The following RBFOX1 variants were observed in gnomAD, a reference collection of about 807,000 sequenced individuals.
RBFOX1 encodes RNA binding protein fox-1 homolog 1.
A neutral mutation model predicts 57.7 loss-of-function variants in RBFOX1; 8 were observed. That is an observed-to-expected ratio of 0.14 (90% CI 0.08 to 0.25). The LOEUF is 0.25. Ranked by LOEUF, RBFOX1 falls within the 10% of genes least tolerant of loss-of-function variation. The pLI, the probability that RBFOX1 is intolerant of heterozygous loss-of-function variation, is 1.00. For synonymous variants in RBFOX1, 326 were observed against 222.4 expected (o/e 1.47, Z -4.15); for missense variants, 611 against 548.5 (o/e 1.11, Z -1.14).
At chr16:6,651,371 TCTGACTA>T (rs71145268) in intron 2 of RBFOX1, among the ~76,000 whole-genome samples, 32,285 of 152,036 alleles carry the variant, frequency 0.21, 3,488 homozygotes, top group African/African-American at 0.24. Flanking sequence ...TTATCTGGCC[TCTGACTA>T]CTTCTCTCCC....
At chr16:7,062,031 A>G (rs1167395357) in intron 4 of RBFOX1, among the ~76,000 whole-genome samples, 1 of 152,024 alleles carries the variant, frequency 6.6e-6, no homozygotes, top group Non-Finnish European at 1.5e-5. Flanking sequence ...GAAAAATGGC[A>G]ACGAGGCCGG....
chr16:7,553,745 A>G (rs928535613), intron 5 of RBFOX1, among the ~76,000 whole-genome samples: 6 of 152,348 alleles, frequency 3.9e-5, no homozygotes, highest in Admixed American at 3.9e-4. Flanking sequence ...GACTCAGTCC[A>G]TATGTTAGGG....
At chr16:7,298,886 C>T (rs981551342) in intron 4 of RBFOX1, among the ~76,000 whole-genome samples, 2 of 152,144 alleles carry the variant, frequency 1.3e-5, no homozygotes, top group Non-Finnish European at 2.9e-5. Flanking sequence ...GTCTTGCTAT[C>T]TCTGGGTCTC....
chr16:7,094,997 G>T (rs148515951), intron 4 of RBFOX1, among the ~76,000 whole-genome samples: 1 of 151,932 alleles, frequency 6.6e-6, no homozygotes, highest in Non-Finnish European at 1.5e-5. Flanking sequence ...CATCAATTGT[G>T]GAATAACCTT....
chr16:7,062,924 T>TTTTTA (rs2054912539), intron 4 of RBFOX1, among the ~76,000 whole-genome samples: 1 of 121,058 alleles, frequency 8.3e-6, no homozygotes, highest in African/African-American at 3.1e-5. Context: ...TTTTTTTTTT[T>TTTTTA]TTTTGCTGAA....
intron 4 of RBFOX1, among the ~76,000 whole-genome samples, chr16:7,243,544 A>T (rs1208968912): frequency 6.6e-6 from 1 of 152,132 alleles, no homozygotes; most frequent in Admixed American, 6.6e-5. Flanking sequence ...ACTCTTTATT[A>T]GTAGTAGTAT....
chr16:7,652,569 G>C (rs923450137), intron 11 of RBFOX1, among the ~76,000 whole-genome samples: 1 of 152,104 alleles, frequency 6.6e-6, no homozygotes, highest in African/African-American at 2.4e-5. Context: ...CACCACGCCT[G>C]ACCAATTTTT....
At chr16:6,676,312 G>A (rs1236984217) in intron 3 of RBFOX1, among the ~76,000 whole-genome samples, 4 of 152,030 alleles carry the variant, frequency 2.6e-5, no homozygotes, top group Admixed American at 6.6e-5. Flanking sequence ...AGGGAATAGA[G>A]TACTATCCTG....
At chr16:5,754,354 TAGGA>T (rs2053323457) in intron 3 of RBFOX1, among the ~76,000 whole-genome samples, 1 of 152,154 alleles carries the variant, frequency 6.6e-6, no homozygotes, top group Non-Finnish European at 1.5e-5. Context: ...CTCCTATTGT[TAGGA>T]AGGAAGGGAG....
chr16:5,547,546 A>G (rs1955667132), intron 2 of RBFOX1, among the ~76,000 whole-genome samples: 1 of 152,202 alleles, frequency 6.6e-6, no homozygotes, highest in African/African-American at 2.4e-5. Context: ...TATGAATTCT[A>G]AAAAATGCAA....
At chr16:7,602,902 T>A (rs1396394229) in intron 9 of RBFOX1, among the ~76,000 whole-genome samples, 1 of 152,150 alleles carries the variant, frequency 6.6e-6, no homozygotes, top group Non-Finnish European at 1.5e-5. Flanking sequence ...TAGACCATAA[T>A]AGAATAAAAC....
At chr16:6,977,013 T>TATATATC (rs1179388502) in intron 3 of RBFOX1, among the ~76,000 whole-genome samples, 1 of 144,100 alleles carries the variant, frequency 6.9e-6, no homozygotes, top group African/African-American at 2.5e-5. Flanking sequence ...TTGTATATCA[T>TATATATC]ATGTATCATG....
At chr16:6,883,037 T>C (rs1324011475) in intron 3 of RBFOX1, among the ~76,000 whole-genome samples, 1 of 152,222 alleles carries the variant, frequency 6.6e-6, no homozygotes, top group Non-Finnish European at 1.5e-5. Context: ...ATAACCCATA[T>C]GTCTCCTGAC....
chr16:6,991,635 C>T (rs1045497405), intron 3 of RBFOX1, among the ~76,000 whole-genome samples: 1 of 152,126 alleles, frequency 6.6e-6, no homozygotes, highest in Admixed American at 6.5e-5. Context: ...CTCCCAGGCT[C>T]AAGCCATCCT....
At chr16:5,771,136 C>T (rs569982971) in intron 3 of RBFOX1, among the ~76,000 whole-genome samples, 90 of 152,304 alleles carry the variant, frequency 5.9e-4, no homozygotes, top group African/African-American at 2.1e-3. Context: ...AAAGCGTGTT[C>T]ACTAGAGCAA....
intron 4 of RBFOX1, among the ~76,000 whole-genome samples, chr16:7,405,821 C>T (rs975322701): frequency 5.3e-5 from 8 of 152,180 alleles, no homozygotes; most frequent in Admixed American, 2.6e-4. Flanking sequence ...TTCCTTTCCA[C>T]TCTTCCATAC....
intron 3 of RBFOX1, among the ~76,000 whole-genome samples, chr16:6,763,630 A>C (rs1295561129): frequency 6.6e-6 from 1 of 152,124 alleles, no homozygotes; most frequent in South Asian, 2.1e-4. Flanking sequence ...CTCACCAATT[A>C]CGTATTTCAT....
At chr16:5,749,296 C>G (rs2151614126) in intron 3 of RBFOX1, among the ~76,000 whole-genome samples, 1 of 152,282 alleles carries the variant, frequency 6.6e-6, no homozygotes, top group South Asian at 2.1e-4. Flanking sequence ...CTGCCCTTAA[C>G]ATTTTTTCCT....
intron 2 of RBFOX1, among the ~76,000 whole-genome samples, chr16:6,528,853 A>G (rs1459517027): frequency 6.6e-6 from 1 of 152,180 alleles, no homozygotes; most frequent in African/African-American, 2.4e-5. Flanking sequence ...GTGCCAAACA[A>G]AAATGTCTCC....
Sources: gnomAD v4.1 joint callset for allele counts (sites outside exome capture counted in the v4.1 genomes callset) on GRCh38, gnomAD v4.1.1 for gene constraint, MANE v1.5 for transcripts, NCBI Gene and HGNC (gene_info 2026-07-23, HGNC 2026-07-21) for gene names.